Variants in FYN observed in about 807,000 individuals in gnomAD.
FYN encodes tyrosine-protein kinase Fyn.
A neutral mutation model predicts 70.2 loss-of-function variants in FYN; 10 were observed. The ratio of observed to expected loss-of-function variants is 0.14; its 90% CI spans 0.09 to 0.24. The LOEUF is 0.24. Ranked by LOEUF, FYN falls within the 10% of genes least tolerant of loss-of-function variation. FYN has a pLI of 1.00. For synonymous variants in FYN, 236 were observed against 248.6 expected, an observed-to-expected ratio of 0.95 and a Z score of 0.48; for missense variants, 319 against 673.1, an observed-to-expected ratio of 0.47 and a Z score of 5.82.
At chr6:111,722,430 C>A (rs561581903) in intron 3 of FYN, among the ~76,000 whole-genome samples, 3 of 152,298 alleles carry the variant, frequency 2.0e-5, no homozygotes, top group East Asian at 3.9e-4. Context: ...GATGTTGCTT[C>A]ATCAGACTGA....
intron 9 of FYN, among the ~76,000 whole-genome samples, chr6:111,698,134 T>C (rs9481183): frequency 0.12 from 17,959 of 152,110 alleles, 2,064 homozygotes; most frequent in African/African-American, 0.29. Flanking sequence ...TCTTTTTTTT[T>C]CTTTTCTTGA....
At chr6:111,871,096 T>C (rs1774259061) in intron 1 of FYN, among the ~76,000 whole-genome samples, 1 of 152,262 alleles carries the variant, frequency 6.6e-6, no homozygotes, top group Non-Finnish European at 1.5e-5. Context: ...CGAGGAGCCA[T>C]ACTTTTAGGA....
intron 3 of FYN, among the ~76,000 whole-genome samples, chr6:111,753,213 G>A (rs1274503242): frequency 2.0e-5 from 3 of 152,172 alleles, no homozygotes; most frequent in African/African-American, 7.2e-5. Context: ...GCTTTCATAG[G>A]AGGAATAGTC....
At chr6:111,744,418 G>A (rs1254301846) in intron 3 of FYN, among the ~76,000 whole-genome samples, 2 of 152,314 alleles carry the variant, frequency 1.3e-5, no homozygotes, top group Middle Eastern at 3.4e-3. Context: ...AGCCTGCAGT[G>A]GTTTATGCAG....
chr6:111,777,173 C>T (rs1040651954), intron 3 of FYN, among the ~76,000 whole-genome samples: 2 of 152,200 alleles, frequency 1.3e-5, no homozygotes, highest in East Asian at 3.9e-4. Context: ...TTTAGTTGAC[C>T]GTCATTCTGT....
intron 2 of FYN, among the ~76,000 whole-genome samples, chr6:111,828,902 G>A (rs1172120766): frequency 6.6e-6 from 1 of 152,162 alleles, no homozygotes; most frequent in Non-Finnish European, 1.5e-5. Context: ...AGTGGCATGT[G>A]TTTTACCACA....
At chr6:111,757,485 T>C (rs1397276626) in intron 3 of FYN, among the ~76,000 whole-genome samples, 1 of 152,186 alleles carries the variant, frequency 6.6e-6, no homozygotes, top group Non-Finnish European at 1.5e-5. Context: ...TCACACTTAT[T>C]CACTGGAAAG....
At chr6:111,824,106 G>A (rs994141358) in intron 2 of FYN, among the ~76,000 whole-genome samples, 7 of 152,178 alleles carry the variant, frequency 4.6e-5, no homozygotes, top group African/African-American at 1.7e-4. Flanking sequence ...AGTTTCAACT[G>A]CTCTTCTGTG....
chr6:111,789,301 G>C (rs2128512035), intron 2 of FYN, among the ~76,000 whole-genome samples: 1 of 152,256 alleles, frequency 6.6e-6, no homozygotes, highest in African/African-American at 2.4e-5. Flanking sequence ...AAGCTGGACT[G>C]GAGAGATAAA....
chr6:111,730,006 C>T (rs1196607051), intron 3 of FYN, among the ~76,000 whole-genome samples: 1 of 152,128 alleles, frequency 6.6e-6, no homozygotes, highest in African/African-American at 2.4e-5. Context: ...AACAACTACA[C>T]ATTGATGAAG....
intron 13 of FYN, among the ~76,000 whole-genome samples, chr6:111,663,420 A>G (rs1447716833): frequency 2.0e-5 from 3 of 152,128 alleles, no homozygotes; most frequent in Non-Finnish European, 4.4e-5. Context: ...CAGAGGGAAC[A>G]CTCGGACTTC....
chr6:111,824,483 C>T (rs1772771133), intron 2 of FYN, among the ~76,000 whole-genome samples: 1 of 152,206 alleles, frequency 6.6e-6, no homozygotes, highest in African/African-American at 2.4e-5. Context: ...GAGAAATCTA[C>T]ACTGCATCTT....
intron 2 of FYN, among the ~76,000 whole-genome samples, chr6:111,816,290 A>G (rs1487839840): frequency 6.6e-6 from 1 of 152,186 alleles, no homozygotes. Flanking sequence ...TTTGAATTAA[A>G]TAAGTCTTCC....
At chr6:111,755,572 A>G (rs892520842) in intron 3 of FYN, among the ~76,000 whole-genome samples, 4 of 152,230 alleles carry the variant, frequency 2.6e-5, no homozygotes, top group African/African-American at 9.6e-5. Flanking sequence ...GAGAATATGC[A>G]CTAAAGAAAT....
intron 2 of FYN, among the ~76,000 whole-genome samples, chr6:111,823,606 T>C (rs994242126): frequency 1.3e-5 from 2 of 152,228 alleles, no homozygotes; most frequent in Non-Finnish European, 2.9e-5. Flanking sequence ...ACTTTTAAAA[T>C]ATCCAATATT....
intron 1 of FYN, among the ~76,000 whole-genome samples, chr6:111,872,361 G>A (rs553621552): frequency 6.8e-6 from 1 of 147,190 alleles, no homozygotes; most frequent in Non-Finnish European, 1.5e-5. Context: ...GGGGGACAGA[G>A]GAAGAGGAGG....
chr6:111,835,576 T>G (rs1053823168), intron 2 of FYN, among the ~76,000 whole-genome samples: 2 of 152,226 alleles, frequency 1.3e-5, no homozygotes, highest in Non-Finnish European at 2.9e-5. Context: ...CCTTTCCCCA[T>G]TGGCCAGGGT....
chr6:111,832,696 A>AT (rs934501065), intron 2 of FYN, among the ~76,000 whole-genome samples: 22 of 151,650 alleles, frequency 1.5e-4, no homozygotes, highest in South Asian at 6.2e-4. Context: ...GGTTTTTTCC[A>AT]TTTTTTTTGG....
intron 13 of FYN, 70 bp from the exon 14 acceptor site, chr6:111,662,017 C>G: frequency 7.7e-7 from 1 of 1,302,818 alleles, no homozygotes; most frequent in South Asian, 1.4e-5. Context: ...CTTGCAGATC[C>G]CCTTTCTTCT....
Sources: gnomAD v4.1 joint callset for allele counts (sites outside exome capture counted in the v4.1 genomes callset) on GRCh38, gnomAD v4.1.1 for gene constraint, MANE v1.5 for transcripts, NCBI Gene and HGNC (gene_info 2026-07-23, HGNC 2026-07-21) for gene names.